The following RRP1B variants were observed in gnomAD, a reference collection of about 807,000 sequenced individuals.
The protein encoded by RRP1B is ribosomal RNA processing 1B, also known as ribosomal RNA processing protein 1 homolog B.
In RRP1B, 56 loss-of-function variants were observed where a neutral mutation model predicts 80.2. The ratio of observed to expected loss-of-function variants is 0.70; its 90% confidence interval spans 0.56 to 0.87. The LOEUF is 0.87. Ranked by LOEUF, RRP1B falls within the 40% of genes least tolerant of loss-of-function variation. The pLI is 0.00. For synonymous variants in RRP1B, 351 were observed against 357.6 expected, an observed-to-expected ratio of 0.98 and a Z score of 0.21; for missense variants, 807 against 939.8, an observed-to-expected ratio of 0.86 and a Z score of 1.85.
Position 43,687,668 on chromosome 21 carries a change from G to T in RRP1B, c.1294G>T (p.Glu432Ter). The T allele has an allele frequency of 6.3e-7, 1 of 1,593,934 alleles. No homozygotes were observed. ...SLEQNRGREPEASGLKALKAR... is the reference protein window; with the variant it reads ...SLEQNRGREP ...GGAACAGAACCGGGGCAGGGAGCCC[G>T]AGGCCTCTGGGCTGAAAGCCCTGAA... Residue 432 changes from glutamate to a stop codon, truncating the protein, a stop_gained, in exon 13 of 16, where the codon GAG becomes TAG. Coordinates refer to ENST00000340648, the MANE Select transcript of RRP1B (RefSeq NM_015056.3). LOFTEE classifies it high-confidence loss of function.
At chr21:43,680,516 A>G (rs2083039186) in intron 8 of RRP1B, among the ~76,000 whole-genome samples, 1 of 151,998 alleles carries the variant, frequency 6.6e-6, no homozygotes, top group Admixed American at 6.6e-5. Flanking sequence ...GTGAGCAGAG[A>G]TCGAGCCACT....
At chr21:43,674,529 A>G (rs2083013181) in intron 4 of RRP1B, 107 bp from the exon 5 acceptor site, 1 of 803,866 alleles carries the variant, frequency 1.2e-6, no homozygotes, top group African/African-American at 1.8e-5. Flanking sequence ...GATCCAGGCC[A>G]TAACAATTTC....
In RRP1B at chr21:43,688,077, G is replaced by C; in HGVS notation, c.1703G>C (p.Arg568Thr). The C allele has an allele frequency of 6.2e-7, 1 of 1,611,836 alleles. No individual in the cohort carries two copies. The highest frequency in any genetic ancestry group is 8.5e-7 in the Non-Finnish European group (1 of 1,179,352). Reference sequence around the variant, plus strand: ...AGCCACACCACGCTGCCCCAGCGCAGGAGGCTGCAGAAAAAGAAGGCAGGG... The same window carrying C: ...AGCCACACCACGCTGCCCCAGCGCACGAGGCTGCAGAAAAAGAAGGCAGGG... The part of the protein sequence containing the change: ...ANSHTTLPQR[R>T]RLQKKKAGPG... The change falls in exon 13 of 16, where the codon AGG (arginine) becomes ACG (threonine). Residue 568 changes from arginine (R) to threonine (T), a missense_variant. Physicochemically the swap from Arg to Thr is moderately conservative, Grantham distance 71. Transcript: ENST00000340648.
At chr21:43,673,570 G>A (rs1204581829) in intron 3 of RRP1B, among the ~76,000 whole-genome samples, 1 of 149,524 alleles carries the variant, frequency 6.7e-6, no homozygotes, top group African/African-American at 2.5e-5. Context: ...GGAGGCAGAG[G>A]TTGCAATGAG....
chr21:43,682,923 AG>A (rs2083049305), intron 8 of RRP1B, among the ~76,000 whole-genome samples: 1 of 151,960 alleles, frequency 6.6e-6, no homozygotes, highest in Admixed American at 6.6e-5. Context: ...CCCGGGCTGG[AG>A]TGCAGTGGCA....
chr21:43,663,390 C>T (rs190326774), intron 1 of RRP1B, among the ~76,000 whole-genome samples: 205 of 152,208 alleles, frequency 1.3e-3, no homozygotes, highest in South Asian at 0.011. Context: ...CTCACCCTCC[C>T]GAGTAGCGAG....
chr21:43,691,541 AC>A lies in RRP1B; in HGVS notation c.2083+40del. 6.3e-7 allele frequency: 1 copy of A among 1,594,790 alleles called. No individual in the cohort carries two copies. Among genetic ancestry groups the A allele is most frequent in the Non-Finnish European group, 8.6e-7 (1 of 1,162,858 alleles). Reference sequence around the variant, plus strand: ...TGCCAGCGGCAAGCTTCTCTGGAGCACAGCTGCAGCTCCTGGCGCGGCTCGC... The same window carrying A: ...TGCCAGCGGCAAGCTTCTCTGGAGCAAGCTGCAGCTCCTGGCGCGGCTCGC... On this transcript the variant is annotated intron_variant, in intron 15 of 15. Coordinates refer to ENST00000340648, the MANE Select transcript of RRP1B (RefSeq NM_015056.3). This position sits in a 1 kb window ranked among gnomAD's most constrained non-coding sequence, Gnocchi z 4.2.
chr21:43,671,437 C>T (rs115562196), intron 2 of RRP1B, among the ~76,000 whole-genome samples: 340 of 149,858 alleles, frequency 2.3e-3, no homozygotes, highest in African/African-American at 7.8e-3. Context: ...GCCATCATGG[C>T]TCACTACAGC....
At position 43,695,280 on chromosome 21, in the gene RRP1B, G is replaced by T. The variant is rs570891087; in HGVS notation, c.*1897G>T. The T allele has an allele frequency of 7.9e-5, 12 of 152,008 alleles. No individual in the cohort carries two copies. The highest frequency in any genetic ancestry group is 2.4e-4 in the African/African-American group (10 of 41,424). The allele number at this position is 152,008 out of a possible 1,614,324, so 9.4% of individuals were successfully genotyped here. A position where few individuals can be genotyped will look rare whatever the true frequency, so the allele number is the denominator to read the frequency against. The stretch of plus-strand genomic sequence containing the variant: ...CAAACGGGCCATATAATCCAACATT[G>T]TTGAGATGTCTTAGGACATCTAAGG... On this transcript the variant is annotated 3_prime_UTR_variant, in exon 16 of 16. Transcript: ENST00000340648.
At chr21:43,684,461 A>G in intron 9 of RRP1B, 92 bp from the exon 10 acceptor site, 1 of 1,088,298 alleles carries the variant, frequency 9.2e-7, no homozygotes, top group Non-Finnish European at 1.4e-6. Context: ...CAAATGCTTC[A>G]GTAAGGGTTT....
chr21:43,682,916 G>A (rs532287817), intron 8 of RRP1B, among the ~76,000 whole-genome samples: 4 of 152,024 alleles, frequency 2.6e-5, no homozygotes, highest in South Asian at 2.1e-4. Context: ...GTTGTCGCCC[G>A]GGCTGGAGTG....
rs1040199481 is a variant in RRP1B, at chr21:43,695,587, T to A, written c.*2204T>A. On this transcript the variant is annotated 3_prime_UTR_variant, in exon 16 of 16. Transcript: ENST00000340648. ...TGACAGCAGGAAGAAAACAATTTTT[T>A]AAAAATTCTCATTACATAGACGCAC... is the stretch of plus-strand genomic sequence containing the variant. The A allele has an allele frequency of 3.9e-5, 6 of 152,216 alleles. No homozygotes were observed. Among genetic ancestry groups the A allele is most frequent in the Non-Finnish European group, 5.9e-5 (4 of 68,026 alleles). 9.4% of individuals were successfully genotyped at this position (152,216 alleles called of 1,614,324 possible). A position where few individuals can be genotyped will look rare whatever the true frequency, so the allele number is the denominator to read the frequency against.
Position 43,659,566 on chromosome 21 carries a change from A to T in RRP1B, c.-99A>T. On this transcript the variant is annotated 5_prime_UTR_variant, in exon 1 of 16. Coordinates refer to ENST00000340648, the MANE Select transcript of RRP1B (RefSeq NM_015056.3). This position sits in a 1 kb window ranked among gnomAD's most constrained non-coding sequence, Gnocchi z 4.2. ...GCGCCGCCGCCGCCGCCTTCTGTGC[A>T]GTCGCGGCCCGGGCGGACGGTGGCT... 8.3e-7 allele frequency: 1 copy of T among 1,205,604 alleles called. No individual in the cohort carries two copies. Among genetic ancestry groups the T allele is most frequent in the Non-Finnish European group, 1.0e-6 (1 of 966,864 alleles). 74.7% of individuals were successfully genotyped at this position (1,205,604 alleles called of 1,614,324 possible).
Position 43,673,854 on chromosome 21 carries a change from C to G in RRP1B, c.272-16C>G, listed in dbSNP as rs1568956379. The G allele has an allele frequency of 6.3e-7, 1 of 1,597,414 alleles. No individual in the cohort carries two copies. Among genetic ancestry groups the G allele is most frequent in the South Asian group, 1.1e-5 (1 of 90,048 alleles). On this transcript the variant is annotated splice_polypyrimidine_tract_variant and intron_variant, in intron 3 of 15. Coordinates refer to ENST00000340648, the MANE Select transcript of RRP1B (RefSeq NM_015056.3). ...GATGTGGAAGCCAAGTATTTAGAGC[C>G]TTTTGTTCACTGCAGAACACCTGTT...
intron 1 of RRP1B, among the ~76,000 whole-genome samples, chr21:43,669,189 A>G (rs1304146149): frequency 2.6e-5 from 4 of 151,764 alleles, no homozygotes; most frequent in Non-Finnish European, 5.9e-5. Flanking sequence ...TGCCACAGTA[A>G]ATGATCACCG....
chr21:43,659,597 C>T lies in RRP1B; in HGVS notation c.-68C>T, dbSNP rs2082938015. 2 of 1,331,748 alleles carry T rather than the reference C, an allele frequency of 1.5e-6. No individual in the cohort carries two copies. Among genetic ancestry groups the T allele is most frequent in the Admixed American group, 4.0e-5 (1 of 25,300 alleles). 82.5% of individuals were successfully genotyped at this position (1,331,748 alleles called of 1,614,324 possible). On this transcript the variant is annotated 5_prime_UTR_variant, in exon 1 of 16. Coordinates refer to ENST00000340648, the MANE Select transcript of RRP1B (RefSeq NM_015056.3). The surrounding 1 kb of genome is among the most constrained non-coding windows in gnomAD (Gnocchi z 4.2). ...GGCCCGGGCGGACGGTGGCTGGCTG[C>T]TCCGCAGCGCTCGGCTGGCTGCAGC...
intron 13 of RRP1B, among the ~76,000 whole-genome samples, 199 bp downstream of exon 13, chr21:43,688,439 G>A (rs949643869): frequency 8.5e-5 from 13 of 152,174 alleles, no homozygotes; most frequent in East Asian, 1.9e-4. Context: ...CCTCCTCATC[G>A]GCCACCTTCA....
chr21:43,676,680 A>ATTCT, intron 7 of RRP1B, 53 bp from the exon 8 acceptor site: 1 of 1,528,106 alleles, frequency 6.5e-7, no homozygotes, highest in Non-Finnish European at 9.0e-7. Flanking sequence ...TGAAGCCAGA[A>ATTCT]GGCCAGGCCG....
intron 1 of RRP1B, among the ~76,000 whole-genome samples, chr21:43,665,121 G>A (rs1036914292): frequency 5.3e-5 from 8 of 152,228 alleles, no homozygotes; most frequent in Non-Finnish European, 1.2e-4. Context: ...GCCTTTGCCT[G>A]TTACAGGTGT....
Sources: allele counts gnomAD v4.1 joint callset (sites outside exome capture counted in the v4.1 genomes callset), GRCh38; gene constraint gnomAD v4.1.1; non-coding constraint Gnocchi (gnomAD v3.1); transcripts MANE v1.5; gene names NCBI Gene and HGNC (gene_info 2026-07-23, HGNC 2026-07-21).